REPS1: variants seen among roughly 807,000 people sequenced by gnomAD.
REPS1 encodes RALBP1 associated Eps domain containing 1, also known as ralBP1-associated Eps domain-containing protein 1.
REPS1 carries 39 observed loss-of-function variants against 100.9 expected under a neutral mutation model. The ratio of observed to expected loss-of-function variants is 0.39; its 90% confidence interval spans 0.30 to 0.50. REPS1 has a LOEUF of 0.50. Among genes scored for constraint, REPS1 ranks in the 20% least tolerant of loss-of-function variants. The pLI is 0.86. For synonymous variants in REPS1, 324 were observed against 340.3 expected (o/e 0.95, Z 0.53); for missense variants, 821 against 968.5 (o/e 0.85, Z 2.02).
intron 8 of REPS1, among the ~76,000 whole-genome samples, chr6:138,932,850 T>A (rs541322057): frequency 1.3e-5 from 2 of 152,346 alleles, no homozygotes; most frequent in Non-Finnish European, 2.9e-5. Context: ...CAATGGTTAC[T>A]AATGACAATG....
chr6:138,967,367 C>G (rs903960298), intron 1 of REPS1, among the ~76,000 whole-genome samples: 6 of 152,100 alleles, frequency 3.9e-5, no homozygotes, highest in Non-Finnish European at 8.8e-5. Context: ...ATATGTGACT[C>G]CTTTGAAAAA....
rs1779525377 is a variant in REPS1, at chr6:138,904,739, GA to G, written c.*324del. On this transcript the variant is annotated 3_prime_UTR_variant, in exon 20 of 20. Transcript: ENST00000450536. ...AATTTATTTCTGAGTCTGTGACTGA[GA>G]TGTAAATGAGGAGCCCATTCTATAA... 5.3e-6 allele frequency: 1 copy of G among 186,946 alleles called. No individual in the cohort carries two copies. Among genetic ancestry groups the G allele is most frequent in the Admixed American group, 6.0e-5 (1 of 16,564 alleles). The allele number at this position is 186,946 out of a possible 1,614,324, so 11.6% of individuals were successfully genotyped here.
intron 7 of REPS1, among the ~76,000 whole-genome samples, chr6:138,942,154 G>A (rs539415579): frequency 1.3e-5 from 2 of 152,124 alleles, no homozygotes; most frequent in Admixed American, 6.5e-5. Flanking sequence ...TGACATGTAC[G>A]TACTTTAAAT....
chr6:138,912,700 G>A (rs1460719632), intron 16 of REPS1, 65 bp downstream of exon 16: 4 of 1,479,660 alleles, frequency 2.7e-6, no homozygotes, highest in Non-Finnish European at 3.8e-6. Flanking sequence ...TATCTGCTCT[G>A]TTGACACAAC....
At chr6:138,917,463 A>G in intron 13 of REPS1, 92 bp downstream of exon 13, 1 of 990,796 alleles carries the variant, frequency 1.0e-6, no homozygotes, top group Admixed American at 2.1e-5. Context: ...GCTTTCAGAG[A>G]ACAAAATCAT....
At chr6:138,905,307 C>T (rs531081575) in intron 19 of REPS1, among the ~76,000 whole-genome samples, 175 bp from the exon 20 acceptor site, 20 of 152,278 alleles carry the variant, frequency 1.3e-4, no homozygotes, top group African/African-American at 4.1e-4. Flanking sequence ...TTTTTTGAGA[C>T]GGAGTCTCGC....
intron 14 of REPS1, among the ~76,000 whole-genome samples, 159 bp downstream of exon 14, chr6:138,915,699 T>G (rs908691598): frequency 1.3e-5 from 2 of 152,066 alleles, no homozygotes; most frequent in South Asian, 2.1e-4. Context: ...GTGATCTGCC[T>G]GCCCCTCAAA....
At chr6:138,973,159 T>G (rs995810023) in intron 1 of REPS1, among the ~76,000 whole-genome samples, 1 of 152,150 alleles carries the variant, frequency 6.6e-6, no homozygotes, top group Non-Finnish European at 1.5e-5. Flanking sequence ...GTTGGGAGAC[T>G]ACAGAAGGAG....
rs1782433075 is a variant in REPS1, at chr6:138,943,902, A to G, written c.867T>C (p.Tyr289=). The part of the protein sequence containing the change: ...WKITDEQRQY[Y]VNQFKTIQPD... ...GCTGAATGGTTTTAAACTGATTTACATAATACTGTCTTTGTTCATCTGTTA... is the reference window on the plus strand; with the variant it reads ...GCTGAATGGTTTTAAACTGATTTACGTAATACTGTCTTTGTTCATCTGTTA... The change falls in exon 6 of 20, where the codon TAT becomes TAC. Residue 289 remains tyrosine, a synonymous_variant. Transcript: ENST00000450536. 1.9e-6 allele frequency: 3 copies of G among 1,613,786 alleles called. No homozygotes were observed. The African/African-American group carries it at 4.0e-5, about 22-fold the overall frequency.
intron 9 of REPS1, 151 bp from the exon 10 acceptor site, chr6:138,926,632 C>G: frequency 1.7e-6 from 1 of 604,116 alleles, no homozygotes; most frequent in South Asian, 1.9e-5. Flanking sequence ...TTTCCGTCAA[C>G]ATTTTATATT....
Position 138,969,859 on chromosome 6 carries a change from A to ATTTTTTTTT in REPS1, c.153+17662_153+17670dup, listed in dbSNP as rs56070030. The stretch of plus-strand genomic sequence containing the variant: ...AAGAAAGAGGTTACTGTGAATTGGG[A>ATTTTTTTTT]TTTTTTTTTTTTTTTTTTTTTTTTT... On this transcript the variant is annotated intron_variant, in intron 1 of 19. Transcript: ENST00000450536. Among the ~76,000 whole-genome samples the ATTTTTTTTT allele has an allele frequency of 3.2e-3, 300 of 94,610 alleles. 22 individuals are homozygous for ATTTTTTTTT. Among genetic ancestry groups the ATTTTTTTTT allele is most frequent in the Middle Eastern group, 8.2e-3 (1 of 122 alleles). 62.1% of individuals were successfully genotyped at this position (94,610 alleles called of 152,430 possible).
At chr6:138,954,394 C>T (rs564680171) in intron 1 of REPS1, among the ~76,000 whole-genome samples, 1 of 151,652 alleles carries the variant, frequency 6.6e-6, no homozygotes, top group South Asian at 2.1e-4. Context: ...CATCACTATA[C>T]ATTGTATTAG....
chr6:138,951,441 C>T (rs1228451893), intron 1 of REPS1, among the ~76,000 whole-genome samples: 1 of 151,956 alleles, frequency 6.6e-6, no homozygotes, highest in African/African-American at 2.4e-5. Flanking sequence ...AACATAGAAC[C>T]TTCCTTTGAT....
intron 4 of REPS1, 54 bp from the exon 5 acceptor site, chr6:138,944,676 A>G: frequency 6.4e-7 from 1 of 1,557,872 alleles, no homozygotes; most frequent in Non-Finnish European, 8.7e-7. Flanking sequence ...AAAAGTTACT[A>G]GGAAGTTTTC....
intron 19 of REPS1, among the ~76,000 whole-genome samples, chr6:138,907,213 G>A (rs539567434): frequency 1.3e-5 from 2 of 151,734 alleles, no homozygotes; most frequent in African/African-American, 4.8e-5. Flanking sequence ...GCTCACGCCT[G>A]TAATCCCAGC....
chr6:138,945,681 C>T lies in REPS1; in HGVS notation c.294G>A (p.Leu98=). The T allele has an allele frequency of 6.2e-7, 1 of 1,603,752 alleles. No homozygotes were observed. The highest frequency in any genetic ancestry group is 8.5e-7 in the Non-Finnish European group (1 of 1,175,868). The change falls in exon 3 of 20, where the codon CTG becomes CTA. Residue 98 remains leucine, a synonymous_variant. Coordinates refer to ENST00000450536, the MANE Select transcript of REPS1 (RefSeq NM_001286611.2). ...ESINTVKDLP[L]PRFVASKNEQ... ...CATTCTTTGAAGCAACAAATCTTGG[C>T]AGAGGAAGGTCCTTTACTGTTAACC...
At chr6:138,913,988 T>G (rs1268171890) in intron 15 of REPS1, among the ~76,000 whole-genome samples, 1 of 152,230 alleles carries the variant, frequency 6.6e-6, no homozygotes, top group Non-Finnish European at 1.5e-5. Flanking sequence ...CTAATTTTGA[T>G]GTGGAAGGGA....
intron 1 of REPS1, among the ~76,000 whole-genome samples, chr6:138,982,738 T>C (rs528316574): frequency 7.2e-5 from 11 of 152,230 alleles, no homozygotes; most frequent in Non-Finnish European, 1.3e-4. Context: ...ACTTTGTCTA[T>C]TGACATTCTG....
chr6:138,945,091 G>A, intron 4 of REPS1, 128 bp downstream of exon 4: 1 of 715,606 alleles, frequency 1.4e-6, no homozygotes, highest in South Asian at 3.4e-5. Context: ...CTCTAAGCCA[G>A]GTTCTGTGGC....
Sources: allele counts gnomAD v4.1 joint callset (sites outside exome capture counted in the v4.1 genomes callset), GRCh38; gene constraint gnomAD v4.1.1; transcripts MANE v1.5; gene names NCBI Gene and HGNC (gene_info 2026-07-23, HGNC 2026-07-21).